Variants in ADAMTSL1 observed in about 807,000 individuals in gnomAD.
The protein encoded by ADAMTSL1 is ADAMTS-like protein 1.
A neutral mutation model predicts 201.8 loss-of-function variants in ADAMTSL1; 126 were observed. That is an observed-to-expected ratio of 0.62 (90% CI 0.54 to 0.72). ADAMTSL1 has a LOEUF of 0.72. Among genes scored for constraint, ADAMTSL1 ranks in the 30% least tolerant of loss-of-function variants. The pLI, the probability that ADAMTSL1 is intolerant of heterozygous loss-of-function variation, is 0.00. For synonymous variants in ADAMTSL1, 1,121 were observed against 903.4 expected (o/e 1.24, Z -4.32); for missense variants, 2,679 against 2,277.8 (o/e 1.18, Z -3.59).
chr9:18,402,436 C>A (rs1479291483), intron 2 of ADAMTSL1, among the ~76,000 whole-genome samples: 2 of 152,124 alleles, frequency 1.3e-5, no homozygotes, highest in African/African-American at 4.8e-5. Flanking sequence ...ACTCTTCTAC[C>A]CATTTTGTCT....
intron 2 of ADAMTSL1, among the ~76,000 whole-genome samples, chr9:18,200,918 C>G (rs1358960306): frequency 6.6e-6 from 1 of 151,762 alleles, no homozygotes; most frequent in African/African-American, 2.4e-5. Context: ...AACATAGTGG[C>G]CCTCAGACTC....
At chr9:18,679,722 C>A (rs1046263891) in intron 10 of ADAMTSL1, among the ~76,000 whole-genome samples, 2 of 152,056 alleles carry the variant, frequency 1.3e-5, no homozygotes, top group African/African-American at 4.8e-5. Flanking sequence ...ATAATGATAG[C>A]ACAGTTTGAA....
At chr9:18,454,047 A>G (rs944641567) in intron 2 of ADAMTSL1, among the ~76,000 whole-genome samples, 4 of 152,232 alleles carry the variant, frequency 2.6e-5, no homozygotes, top group South Asian at 2.1e-4. Flanking sequence ...CAAGAGGCAT[A>G]TTAGGGGAAT....
intron 1 of ADAMTSL1, among the ~76,000 whole-genome samples, chr9:18,032,776 G>T (rs144056269): frequency 2.0e-4 from 30 of 152,290 alleles, no homozygotes; most frequent in African/African-American, 7.0e-4. Flanking sequence ...ATCTCTTGTG[G>T]CCAGAATCAC....
chr9:18,865,162 G>A lies in ADAMTSL1; in HGVS notation c.4250-22669G>A, dbSNP rs1264972095. 6.6e-5 allele frequency among the ~76,000 whole-genome samples: 10 copies of A among 151,986 alleles called. No homozygotes were observed. The East Asian group carries it at 1.7e-3, about 26-fold the overall frequency. Reference sequence around the variant, plus strand: ...CCATTAACTCGTCATTTAACATTAGGTATATCTCCTAATGCTATCCCTCCC... The same window carrying A: ...CCATTAACTCGTCATTTAACATTAGATATATCTCCTAATGCTATCCCTCCC... On this transcript the variant is annotated intron_variant, in intron 23 of 28. Transcript: ENST00000380548.
intron 1 of ADAMTSL1, among the ~76,000 whole-genome samples, chr9:18,088,244 C>A: frequency 6.6e-6 from 1 of 152,072 alleles, no homozygotes; most frequent in East Asian, 1.9e-4. Context: ...CAAAAATCAA[C>A]TTTAAGTAGA....
At chr9:18,895,765 G>C (rs966555453) in intron 26 of ADAMTSL1, among the ~76,000 whole-genome samples, 2 of 152,156 alleles carry the variant, frequency 1.3e-5, no homozygotes, top group African/African-American at 4.8e-5. Flanking sequence ...CACAGAGCCA[G>C]TCTACAGAGA....
chr9:17,929,355 A>G (rs1049000041), intron 1 of ADAMTSL1, among the ~76,000 whole-genome samples: 1 of 152,112 alleles, frequency 6.6e-6, no homozygotes, highest in African/African-American at 2.4e-5. Context: ...CAATAAATGT[A>G]CTGTAAGACC....
chr9:18,511,300 A>G (rs2083238693), intron 2 of ADAMTSL1, among the ~76,000 whole-genome samples: 1 of 151,636 alleles, frequency 6.6e-6, no homozygotes, highest in African/African-American at 2.4e-5. Context: ...TTAATACATT[A>G]AGAATACAAA....
chr9:18,185,564 G>C (rs1828696502), intron 2 of ADAMTSL1, among the ~76,000 whole-genome samples: 1 of 152,070 alleles, frequency 6.6e-6, no homozygotes, highest in South Asian at 2.1e-4. Context: ...TAACACAATT[G>C]GTTTCTTAAA....
chr9:18,610,173 G>A (rs548454825), intron 4 of ADAMTSL1, among the ~76,000 whole-genome samples: 1 of 152,286 alleles, frequency 6.6e-6, no homozygotes, highest in Admixed American at 6.5e-5. Context: ...TATACCTTTA[G>A]CAATTGTAAA....
chr9:18,053,488 C>T (rs930764997), intron 1 of ADAMTSL1, among the ~76,000 whole-genome samples: 1 of 152,102 alleles, frequency 6.6e-6, no homozygotes, highest in Non-Finnish European at 1.5e-5. Flanking sequence ...TTTTTAAAAA[C>T]AAAGTCCATT....
At chr9:18,763,879 G>A (rs1038264893) in intron 16 of ADAMTSL1, among the ~76,000 whole-genome samples, 6 of 151,994 alleles carry the variant, frequency 3.9e-5, no homozygotes, top group African/African-American at 1.4e-4. Flanking sequence ...GCTATAGCTG[G>A]TACTATTGCT....
chr9:18,839,569 A>C (rs1310720231), intron 23 of ADAMTSL1, among the ~76,000 whole-genome samples: 1 of 152,196 alleles, frequency 6.6e-6, no homozygotes, highest in East Asian at 1.9e-4. Context: ...TGGCTGGGTC[A>C]AATGGTATTT....
At chr9:18,650,045 C>A (rs963162479) in intron 7 of ADAMTSL1, among the ~76,000 whole-genome samples, 2 of 152,230 alleles carry the variant, frequency 1.3e-5, no homozygotes, top group African/African-American at 2.4e-5. Flanking sequence ...GGGCTCCACC[C>A]AGTTCGAGCT....
intron 9 of ADAMTSL1, among the ~76,000 whole-genome samples, chr9:18,673,502 T>C (rs1394559574): frequency 6.6e-6 from 1 of 152,256 alleles, no homozygotes; most frequent in African/African-American, 2.4e-5. Flanking sequence ...TGAATCCAGG[T>C]TTAAAGTTCC....
chr9:18,111,645 C>T (rs76570031), intron 1 of ADAMTSL1, among the ~76,000 whole-genome samples: 4,001 of 152,284 alleles, frequency 0.026, 100 homozygotes, highest in African/African-American at 0.067. Context: ...TTTAGACTGA[C>T]CGCCATAAAC....
In ADAMTSL1 at chr9:18,776,837, T is replaced by C; in HGVS notation, c.2608T>C (p.Tyr870His). 6.3e-7 allele frequency: 1 copy of C among 1,596,090 alleles called. No homozygotes were observed. The highest frequency in any genetic ancestry group is 8.5e-7 in the Non-Finnish European group (1 of 1,171,670). Residue 870 changes from tyrosine (Y) to histidine (H), a missense_variant, in exon 19 of 29, where the codon TAC becomes CAC. By Grantham distance (83) the Tyr-to-His change is moderately conservative. Coordinates refer to ENST00000380548, the MANE Select transcript of ADAMTSL1 (RefSeq NM_001040272.6). The stretch of plus-strand genomic sequence containing the variant: ...GCACATCGCGGCCGCCAGGAAGGTC[T>C]ACATACAGACTCGCAGGCAGAGGAA... ...SPHIAAARKV[Y>H]IQTRRQRKLH... is the part of the protein sequence containing the mutation.
intron 23 of ADAMTSL1, among the ~76,000 whole-genome samples, chr9:18,869,472 T>C (rs1435618661): frequency 6.6e-6 from 1 of 152,242 alleles, no homozygotes; most frequent in African/African-American, 2.4e-5. Context: ...AGTTGTTTCA[T>C]ACATTTTTAT....
Sources: allele counts gnomAD v4.1 joint callset (sites outside exome capture counted in the v4.1 genomes callset), GRCh38; gene constraint gnomAD v4.1.1; transcripts MANE v1.5; gene names NCBI Gene and HGNC (gene_info 2026-07-23, HGNC 2026-07-21).